Variants in RYR2 observed in about 807,000 individuals in gnomAD.
RYR2 encodes cardiac muscle ryanodine receptor-calcium release channel.
RYR2 carries 227 observed loss-of-function variants against 601.1 expected under a neutral mutation model. The observed-to-expected ratio is 0.38, with a 90% CI of 0.34 to 0.42. The LOEUF (loss-of-function observed/expected upper bound fraction) is 0.42. Among genes scored for constraint, RYR2 ranks in the 10% least tolerant of loss-of-function variants. The pLI, the probability that RYR2 is intolerant of heterozygous loss-of-function variation, is 1.00. For missense variants in RYR2, 4,646 were observed against 6,156.5 expected (o/e 0.75, Z 8.21); for synonymous variants, 2,223 against 2,175.1 (o/e 1.02, Z -0.61).
intron 62 of RYR2, among the ~76,000 whole-genome samples, chr1:237,686,758 A>C (rs530913725): frequency 6.6e-6 from 1 of 152,144 alleles, no homozygotes; most frequent in African/African-American, 2.4e-5. Flanking sequence ...TGAAGGACTC[A>C]AAGACACAGG....
Position 237,571,474 on chromosome 1 carries a change from C to A in RYR2, c.3598+2155C>A, listed in dbSNP as rs183707262. On this transcript the variant is annotated intron_variant, in intron 29 of 104. Transcript: ENST00000366574. Reference sequence around the variant, plus strand: ...GGATTACAGGGGTGTGCCAACACGCCTCGCTAATTTTTGTATTTTTAGTAG... The same window carrying A: ...GGATTACAGGGGTGTGCCAACACGCATCGCTAATTTTTGTATTTTTAGTAG... 1.0e-3 allele frequency among the ~76,000 whole-genome samples: 155 copies of A among 152,146 alleles called. 1 individual carries two copies. Among genetic ancestry groups the A allele is most frequent in the Non-Finnish European group, 2.9e-4 (20 of 68,016 alleles).
intron 2 of RYR2, among the ~76,000 whole-genome samples, chr1:237,326,016 A>G (rs1320202617): frequency 6.6e-6 from 1 of 152,204 alleles, no homozygotes; most frequent in African/African-American, 2.4e-5. Context: ...TGTGGCTTAT[A>G]TAGTCCTAAA....
chr1:237,091,565 C>T (rs1255768518), intron 1 of RYR2, among the ~76,000 whole-genome samples: 1 of 152,092 alleles, frequency 6.6e-6, no homozygotes, highest in African/African-American at 2.4e-5. Flanking sequence ...GCTGGGATTA[C>T]AGGTGTGCGG....
At chr1:237,534,283 A>G (rs566880421) in intron 25 of RYR2, among the ~76,000 whole-genome samples, 41 of 152,218 alleles carry the variant, frequency 2.7e-4, no homozygotes, top group African/African-American at 9.1e-4. Context: ...ATAACTACTC[A>G]TGTATACACC....
intron 58 of RYR2, among the ~76,000 whole-genome samples, chr1:237,672,259 A>AG (rs1221658137): frequency 3.9e-5 from 6 of 152,156 alleles, no homozygotes; most frequent in African/African-American, 1.2e-4. Flanking sequence ...TTTAAATTAT[A>AG]GACCTCTTTA....
intron 1 of RYR2, among the ~76,000 whole-genome samples, chr1:237,214,597 T>G (rs1287097473): frequency 6.6e-6 from 1 of 152,188 alleles, no homozygotes; most frequent in Non-Finnish European, 1.5e-5. Context: ...AAACACTTCC[T>G]ACCGGGTTCC....
intron 29 of RYR2, among the ~76,000 whole-genome samples, chr1:237,587,263 G>A (rs2148413389): frequency 6.6e-6 from 1 of 152,252 alleles, no homozygotes; most frequent in Non-Finnish European, 1.5e-5. Flanking sequence ...TGCCAACATT[G>A]AGTGTTAGGA....
At chr1:237,222,069 T>C (rs1273499427) in intron 1 of RYR2, among the ~76,000 whole-genome samples, 1 of 152,162 alleles carries the variant, frequency 6.6e-6, no homozygotes, top group Non-Finnish European at 1.5e-5. Context: ...CACATGTTTT[T>C]ATCCTGGGAA....
intron 1 of RYR2, among the ~76,000 whole-genome samples, chr1:237,232,932 A>G (rs57015592): frequency 0.013 from 1,925 of 152,342 alleles, 53 homozygotes; most frequent in African/African-American, 0.045. Context: ...TCAAGAGGAC[A>G]GAAAGATTTT....
rs749434532 is a variant in RYR2, at chr1:237,614,118, G to T, written c.4990G>T (p.Val1664Phe). 36 of 1,613,882 alleles carry T rather than the reference G, an allele frequency of 2.2e-5. No homozygotes were observed. Among genetic ancestry groups the T allele is most frequent in the Non-Finnish European group, 3.0e-5 (35 of 1,179,896 alleles). Residue 1664 changes from valine (V) to phenylalanine (F), a missense_variant, in exon 37 of 105, where the codon GTC becomes TTC. Physicochemically the swap from Val to Phe is conservative, Grantham distance 50. Coordinates refer to ENST00000366574, the MANE Select transcript of RYR2 (RefSeq NM_001035.3). The surrounding 1 kb of genome is among the most constrained non-coding windows in gnomAD (Gnocchi z 4.3). ...TCACACTCTCCGGCTCTACTCAGCCGTCTGTGCTCTTGGGAACCACCGGGT... is the reference window on the plus strand; with the variant it reads ...TCACACTCTCCGGCTCTACTCAGCCTTCTGTGCTCTTGGGAACCACCGGGT... ...HYHTLRLYSA[V>F]CALGNHRVAH...
chr1:237,098,806 A>G (rs1667758581), intron 1 of RYR2, among the ~76,000 whole-genome samples: 1 of 152,238 alleles, frequency 6.6e-6, no homozygotes, highest in Non-Finnish European at 1.5e-5. Context: ...ACAAGGATAC[A>G]AAGTTTCAGT....
At chr1:237,442,419 G>A (rs1707992752) in intron 13 of RYR2, among the ~76,000 whole-genome samples, 1 of 152,050 alleles carries the variant, frequency 6.6e-6, no homozygotes. Flanking sequence ...ATTATAGTTA[G>A]CCAGATTTGC....
At chr1:237,085,092 T>G (rs1666158948) in intron 1 of RYR2, among the ~76,000 whole-genome samples, 1 of 152,254 alleles carries the variant, frequency 6.6e-6, no homozygotes, top group African/African-American at 2.4e-5. Context: ...TTATGTTCAT[T>G]TTGTAGCATG....
At chr1:237,323,542 TA>T (rs1360278591) in intron 2 of RYR2, among the ~76,000 whole-genome samples, 2 of 152,184 alleles carry the variant, frequency 1.3e-5, no homozygotes, top group African/African-American at 4.8e-5. Context: ...AAAATAATTG[TA>T]AAAATCAGAT....
At chr1:237,279,503 A>G (rs549079232) in intron 2 of RYR2, among the ~76,000 whole-genome samples, 2 of 152,202 alleles carry the variant, frequency 1.3e-5, no homozygotes, top group Non-Finnish European at 2.9e-5. Context: ...AAATCAATTA[A>G]TTAAATCTCA....
At chr1:237,297,755 TA>T (rs1181453665) in intron 2 of RYR2, among the ~76,000 whole-genome samples, 1 of 151,622 alleles carries the variant, frequency 6.6e-6, no homozygotes, top group Non-Finnish European at 1.5e-5. Flanking sequence ...TGTGTTGACA[TA>T]ATTTTTTTTT....
At chr1:237,185,598 C>A (rs1407580327) in intron 1 of RYR2, among the ~76,000 whole-genome samples, 1 of 151,986 alleles carries the variant, frequency 6.6e-6, no homozygotes, top group Non-Finnish European at 1.5e-5. Flanking sequence ...CCTTTGGGTA[C>A]TTATGTGCAG....
rs774798390 is a variant in RYR2, at chr1:237,589,994, A to T, written c.3800A>T (p.His1267Leu). The stretch of plus-strand genomic sequence containing the variant: ...CTTCAAGTTCCATCAAACCATGAAC[A>T]TATAGAGGTTTGCTTTTTCTTTAAA... Reference protein sequence around the residue: ...QFLQVPSNHEHIEVTRIDGTI... With the variant: ...QFLQVPSNHELIEVTRIDGTI... Residue 1267 changes from histidine to leucine, a missense_variant, in exon 30 of 105, where the codon CAT (histidine) becomes CTT (leucine). By Grantham distance (99) the His-to-Leu change is moderately conservative. Coordinates refer to ENST00000366574, the MANE Select transcript of RYR2 (RefSeq NM_001035.3). 6 of 1,611,092 alleles carry T rather than the reference A, an allele frequency of 3.7e-6. No individual in the cohort carries two copies. The highest frequency in any genetic ancestry group is 4.2e-6 in the Non-Finnish European group (5 of 1,178,432).
At chr1:237,519,086 AT>A in intron 24 of RYR2, among the ~76,000 whole-genome samples, 1 of 152,286 alleles carries the variant, frequency 6.6e-6, no homozygotes, top group South Asian at 2.1e-4. Flanking sequence ...AAAAATGTCT[AT>A]TCATTTCCTT....
Sources: gnomAD v4.1 joint callset for allele counts (sites outside exome capture counted in the v4.1 genomes callset) on GRCh38, gnomAD v4.1.1 for gene constraint, Gnocchi (gnomAD v3.1) non-coding constraint, MANE v1.5 for transcripts, NCBI Gene and HGNC (gene_info 2026-07-23, HGNC 2026-07-21) for gene names.